The following NLRP5 variants were observed in gnomAD, a reference collection of about 807,000 sequenced individuals.
NLRP5 encodes the protein NACHT, LRR and PYD domains-containing protein 5.
NLRP5 carries 93 observed loss-of-function variants against 113.1 expected under a neutral mutation model. The ratio of observed to expected loss-of-function variants is 0.82; its 90% CI spans 0.70 to 0.98. The LOEUF is 0.98. Ranked by LOEUF, NLRP5 falls within the 50% of genes least tolerant of loss-of-function variation. The pLI, the probability that NLRP5 is intolerant of heterozygous loss-of-function variation, is 0.00. For missense variants in NLRP5, 1,808 were observed against 1,514.3 expected, an observed-to-expected ratio of 1.19 and a Z score of -3.22; for synonymous variants, 751 against 600.7, an observed-to-expected ratio of 1.25 and a Z score of -3.66.
chr19:56,007,880 TGTGTGTGTGCGCGTGCGCGCGTGC>T lies in NLRP5; in HGVS notation c.443-898_443-875del, dbSNP rs1230419344. 6.0e-5 allele frequency among the ~76,000 whole-genome samples: 7 copies of T among 117,214 alleles called. 1 individual carries two copies. The highest frequency in any genetic ancestry group is 2.1e-4 in the African/African-American group (7 of 32,728). The allele number at this position is 117,214 out of a possible 152,430, so 76.9% of individuals were successfully genotyped here. On this transcript the variant is annotated intron_variant, in intron 2 of 14. Transcript: ENST00000390649. The stretch of plus-strand genomic sequence containing the variant: ...GTGTACAAGACAGTTTGTGTGTGTG[TGTGTGTGTGCGCGTGCGCGCGTGC>T]GTGTGTGTGTGTGTGTGTGTGTGTG...
intron 2 of NLRP5, among the ~76,000 whole-genome samples, chr19:56,006,963 T>TC (rs1297125797): frequency 1.3e-5 from 2 of 151,074 alleles, no homozygotes; most frequent in Non-Finnish European, 2.9e-5. Flanking sequence ...ATGGTCTCGA[T>TC]CTCCCGACCT....
intron 7 of NLRP5, among the ~76,000 whole-genome samples, chr19:56,031,316 A>G (rs1004435993): frequency 6.6e-6 from 1 of 151,930 alleles, no homozygotes. Flanking sequence ...ACTTTCTGCT[A>G]TTTTAGACAT....
At position 56,027,905 on chromosome 19, in the gene NLRP5, G is replaced by A. The variant is rs1171933575; in HGVS notation, c.1672G>A (p.Glu558Lys). The change falls in exon 7 of 15, where the codon GAG becomes AAG. Residue 558 changes from glutamate (E) to lysine (K), a missense_variant. Transcript: ENST00000390649. ...CGACCTCATGGTTCAAGGACTCGGG[G>A]AGTCTGAGCTCCGTGCTCTGTTTCA... is the stretch of plus-strand genomic sequence containing the variant. 2.5e-6 allele frequency: 4 copies of A among 1,613,746 alleles called. No individual in the cohort carries two copies. In the African/African-American group the frequency reaches 4.0e-5, roughly 16 times the overall value.
intron 14 of NLRP5, among the ~76,000 whole-genome samples, chr19:56,060,477 A>G (rs1216263798): frequency 6.6e-5 from 10 of 152,106 alleles, no homozygotes; most frequent in Non-Finnish European, 1.3e-4. Context: ...GAAGAAAATG[A>G]CGTTCTTCGA....
the NLRP5 span, chr19:55,988,354 C>G: frequency 6.6e-6 from 1 of 151,772 alleles, no homozygotes; most frequent in African/African-American, 2.5e-5. Flanking sequence ...GAGATCACGC[C>G]ATTGCACTCC....
At chr19:55,990,063 CTTT>C in the NLRP5 span, among the ~76,000 whole-genome samples, 1 of 97,490 alleles carries the variant, frequency 1.0e-5, no homozygotes, top group South Asian at 3.4e-4. Flanking sequence ...CATGCCGTTT[CTTT>C]TTTTTCTTTT....
intron 9 of NLRP5, 133 bp from the exon 10 acceptor site, chr19:56,037,892 A>T: frequency 1.2e-6 from 1 of 841,704 alleles, no homozygotes; most frequent in Non-Finnish European, 1.8e-6. Flanking sequence ...GCAACTTCTC[A>T]GGCCCGGAGG....
intron 11 of NLRP5, among the ~76,000 whole-genome samples, chr19:56,049,208 T>C (rs1983841776): frequency 6.8e-6 from 1 of 147,096 alleles, no homozygotes; most frequent in African/African-American, 2.6e-5. Context: ...AGACGGAGTT[T>C]TACTCTTGTT....
intron 7 of NLRP5, among the ~76,000 whole-genome samples, chr19:56,031,728 C>T (rs1983123439): frequency 6.6e-6 from 1 of 152,090 alleles, no homozygotes; most frequent in Non-Finnish European, 1.5e-5. Flanking sequence ...CCAGGTTCAT[C>T]CACACTGTCA....
At chr19:56,034,470 A>G (rs1232721427) in intron 9 of NLRP5, among the ~76,000 whole-genome samples, 4 of 152,220 alleles carry the variant, frequency 2.6e-5, no homozygotes, top group Non-Finnish European at 5.9e-5. Flanking sequence ...TGGGAAACAG[A>G]TCCTGGTATG....
At position 56,026,927 on chromosome 19, in the gene NLRP5, A is replaced by C; in HGVS notation, c.694A>C (p.Thr232Pro). The change falls in exon 7 of 15, where the codon ACA becomes CCA. Residue 232 changes from threonine (T) to proline (P), a missense_variant. Physicochemically the swap from Thr to Pro is conservative, Grantham distance 38. Coordinates refer to ENST00000390649, the MANE Select transcript of NLRP5 (RefSeq NM_153447.4). ...TCTGACTCCAGGACATGGAGGTGACACATGGGACTACAAGAGTCACGTGAT... is the reference window on the plus strand; with the variant it reads ...TCTGACTCCAGGACATGGAGGTGACCCATGGGACTACAAGAGTCACGTGAT... 1 of 1,551,310 alleles carries C rather than the reference A, an allele frequency of 6.4e-7. No homozygotes were observed. The highest frequency in any genetic ancestry group is 8.7e-7 in the Non-Finnish European group (1 of 1,146,694).
chr19:56,013,602 T>G (rs1379372722), intron 3 of NLRP5, among the ~76,000 whole-genome samples: 2 of 131,944 alleles, frequency 1.5e-5, no homozygotes, highest in Non-Finnish European at 3.2e-5. Context: ...TTGGGTTTTT[T>G]TTTTTTTTTT....
At position 56,003,846 on chromosome 19, in the gene NLRP5, C is replaced by T; in HGVS notation, c.193C>T (p.Leu65=). Reference sequence around the variant, plus strand: ...ATCGCTCACCTTTTCCAGCTACGGGCTGCAATGGTGTCTCTATGAGCTAGA... The same window carrying T: ...ATCGCTCACCTTTTCCAGCTACGGGTTGCAATGGTGTCTCTATGAGCTAGA... The change falls in exon 2 of 15, where the codon CTG becomes TTG. Residue 65 remains leucine (L), a synonymous_variant. Coordinates refer to ENST00000390649, the MANE Select transcript of NLRP5 (RefSeq NM_153447.4). The T allele has an allele frequency of 1.9e-6, 3 of 1,613,972 alleles. No homozygotes were observed. The highest frequency in any genetic ancestry group is 2.2e-5 in the East Asian group (1 of 44,880).
In NLRP5 at chr19:56,028,508, T is replaced by C; in HGVS notation, c.2275T>C (p.Trp759Arg). 2 of 1,611,732 alleles carry C rather than the reference T, an allele frequency of 1.2e-6. No individual in the cohort carries two copies. The highest frequency in any genetic ancestry group is 2.2e-5 in the East Asian group (1 of 44,846). ...TGAGGCATGTCCTGTGGTCCCTCTA[T>C]GGTGAGTACCCCAGGCAGTTTTATC... Residue 759 changes from tryptophan to arginine, a missense_variant and splice_region_variant, in exon 7 of 15, where the codon TGG (tryptophan) becomes CGG (arginine). Coordinates refer to ENST00000390649, the MANE Select transcript of NLRP5 (RefSeq NM_153447.4).
chr19:56,047,441 G>T (rs1193728903), intron 11 of NLRP5, among the ~76,000 whole-genome samples: 4 of 139,818 alleles, frequency 2.9e-5, no homozygotes, highest in African/African-American at 8.0e-5. Context: ...TGTCATTGTT[G>T]TTCAGTCTGA....
intron 14 of NLRP5, among the ~76,000 whole-genome samples, chr19:56,060,701 G>A (rs1984319570): frequency 6.6e-6 from 1 of 150,970 alleles, no homozygotes; most frequent in East Asian, 2.0e-4. Flanking sequence ...GCTCAGCATA[G>A]TATCTGACAT....
intron 3 of NLRP5, among the ~76,000 whole-genome samples, chr19:56,012,645 A>G (rs1181668730): frequency 2.0e-5 from 3 of 150,796 alleles, no homozygotes; most frequent in South Asian, 2.1e-4. Flanking sequence ...ACTTTTGCAT[A>G]ATTTGGAACG....
At chr19:56,022,259 G>A (rs559958100) in intron 6 of NLRP5, among the ~76,000 whole-genome samples, 13 of 152,172 alleles carry the variant, frequency 8.5e-5, no homozygotes, top group African/African-American at 2.7e-4. Flanking sequence ...TTGCTGTGTC[G>A]CCCAGGCTGA....
At chr19:56,014,921 C>G (rs1016979590) in intron 3 of NLRP5, among the ~76,000 whole-genome samples, 1 of 152,118 alleles carries the variant, frequency 6.6e-6, no homozygotes, top group African/African-American at 2.4e-5. Context: ...TATCAATCAG[C>G]TTTACAATTT....
Sources: allele counts gnomAD v4.1 joint callset (sites outside exome capture counted in the v4.1 genomes callset), GRCh38; gene constraint gnomAD v4.1.1; transcripts MANE v1.5; gene names NCBI Gene and HGNC (gene_info 2026-07-23, HGNC 2026-07-21).